Variants in MROH1 observed in about 807,000 individuals in gnomAD.
The protein encoded by MROH1 is maestro heat-like repeat-containing protein family member 1.
A neutral mutation model predicts 116.5 loss-of-function variants in MROH1; 117 were observed. The observed-to-expected ratio is 1.00, with a 90% CI of 0.86 to 1.17. MROH1 has a LOEUF of 1.17. MROH1 is among the 50% of genes most tolerant of loss of function. The pLI is 0.00. For missense variants in MROH1, 1,873 were observed against 1,338.5 expected, an observed-to-expected ratio of 1.40 and a Z score of -6.23; for synonymous variants, 921 against 583.9, an observed-to-expected ratio of 1.58 and a Z score of -8.32.
At position 144,224,301 on chromosome 8, in the gene MROH1, G is replaced by A. The variant is rs1352440681; in HGVS notation, c.1338+1071G>A. ...ATTATTATTTTTGAGACAGGGTCTC[G>A]CTCTGCCAGCCAGACTGGAGTGCAT... On this transcript the variant is annotated intron_variant, in intron 14 of 43. Coordinates refer to ENST00000326134, the MANE Select transcript of MROH1 (RefSeq NM_032450.3). Among the ~76,000 whole-genome samples the A allele has an allele frequency of 2.6e-5, 4 of 151,986 alleles. No homozygotes were observed. In the East Asian group the frequency reaches 5.8e-4, roughly 22 times the overall value.
chr8:144,217,486 T>G (rs1835525810), intron 12 of MROH1, among the ~76,000 whole-genome samples: 1 of 152,230 alleles, frequency 6.6e-6, no homozygotes, highest in East Asian at 1.9e-4. Context: ...TCATTTCAGA[T>G]AAGGGAATGC....
chr8:144,155,430 T>C (rs1817796585), intron 1 of MROH1, among the ~76,000 whole-genome samples: 2 of 152,214 alleles, frequency 1.3e-5, no homozygotes, highest in South Asian at 4.1e-4. Flanking sequence ...TATGCATTCA[T>C]GACATATTTC....
chr8:144,255,781 G>A (rs917026603), intron 35 of MROH1, 76 bp downstream of exon 35: 4 of 685,648 alleles, frequency 5.8e-6, no homozygotes, highest in Non-Finnish European at 1.1e-5. Context: ...CGTGGTGGGG[G>A]CGGACGGCAG....
Position 144,220,639 on chromosome 8 carries a change from C to T in MROH1, c.1181C>T (p.Ser394Phe), listed in dbSNP as rs760483406. ...MEDKKPFILS[S>F]MRLPLLDTNS... ...GATAAAAAGCCCTTTATCCTGTCTT[C>T]CATGAGGCTTCCTCTCCTGGACACC... The change falls in exon 13 of 44, where the codon TCC becomes TTC. Residue 394 changes from serine (S) to phenylalanine (F), a missense_variant. Ser to Phe is a radical substitution (Grantham distance 155). Transcript: ENST00000326134. 3 of 1,579,588 alleles carry T rather than the reference C, an allele frequency of 1.9e-6. No homozygotes were observed. The highest frequency in any genetic ancestry group is 1.7e-4 in the Middle Eastern group (1 of 6,028).
chr8:144,195,476 T>G (rs1271551708), intron 10 of MROH1, among the ~76,000 whole-genome samples: 5 of 112,530 alleles, frequency 4.4e-5, no homozygotes, highest in African/African-American at 1.4e-4. Flanking sequence ...CACTCCAGCC[T>G]GGGCAACAGA....
At chr8:144,250,520 C>T in intron 33 of MROH1, 154 bp downstream of exon 33, 1 of 693,444 alleles carries the variant, frequency 1.4e-6, no homozygotes, top group South Asian at 1.5e-5. Context: ...GACATGGAGC[C>T]AGGCCCCAGT....
chr8:144,244,671 T>C, intron 28 of MROH1, 132 bp downstream of exon 28: 1 of 676,568 alleles, frequency 1.5e-6, no homozygotes, highest in South Asian at 1.6e-5. Context: ...GGGTGGTTTA[T>C]GAACAGGCAG....
chr8:144,155,634 TTTTC>T (rs1428817158), intron 1 of MROH1, among the ~76,000 whole-genome samples: 1 of 151,112 alleles, frequency 6.6e-6, no homozygotes, highest in Non-Finnish European at 1.5e-5. Flanking sequence ...TCTTAGGTGT[TTTTC>T]TTTTTTTTTT....
intron 12 of MROH1, among the ~76,000 whole-genome samples, chr8:144,218,274 C>A (rs1324748292): frequency 4.1e-4 from 62 of 152,088 alleles, no homozygotes; most frequent in Non-Finnish European, 1.5e-5. Context: ...GTATCCTCTG[C>A]CTTTTAGATG....
At position 144,250,224 on chromosome 8, in the gene MROH1, G is replaced by A. The variant is rs1450108253; in HGVS notation, c.3286G>A (p.Val1096Met). ...CGCCCATCTACAGGTGCCCGAGATCGTGAGCGTCCTGCGCTCCAAGCTTCA... is the reference window on the plus strand; with the variant it reads ...CGCCCATCTACAGGTGCCCGAGATCATGAGCGTCCTGCGCTCCAAGCTTCA... ...GVLQEKVPEIVSVLRSKLQEA... is the reference protein window; with the variant it reads ...GVLQEKVPEIMSVLRSKLQEA... The change falls in exon 33 of 44, where the codon GTG becomes ATG. Residue 1096 changes from valine (V) to methionine (M), a missense_variant. Physicochemically the swap from Val to Met is conservative, Grantham distance 21. Transcript: ENST00000326134. The A allele has an allele frequency of 1.6e-5, 12 of 767,182 alleles. No individual in the cohort carries two copies. Among genetic ancestry groups the A allele is most frequent in the Non-Finnish European group, 2.6e-5 (11 of 416,906 alleles). 47.5% of individuals were successfully genotyped at this position (767,182 alleles called of 1,614,324 possible).
chr8:144,258,917 G>A lies in MROH1; in HGVS notation c.3929+3G>A, dbSNP rs1844436639. The A allele has an allele frequency of 2.7e-6, 2 of 742,170 alleles. No homozygotes were observed. The highest frequency in any genetic ancestry group is 1.8e-5 in the Admixed American group (1 of 54,302). The allele number at this position is 742,170 out of a possible 1,614,324, so 46.0% of individuals were successfully genotyped here. The stretch of plus-strand genomic sequence containing the variant: ...GAGGGGGCCACCAGGTTGGCCAGGT[G>A]AGCGGGCCCAGCCCACTGCAGCTCC... On this transcript the variant is annotated splice_donor_region_variant and intron_variant, in intron 36 of 43. Coordinates refer to ENST00000326134, the MANE Select transcript of MROH1 (RefSeq NM_032450.3).
At chr8:144,171,996 A>G (rs747962891) in intron 4 of MROH1, among the ~76,000 whole-genome samples, 33 of 152,380 alleles carry the variant, frequency 2.2e-4, no homozygotes, top group Non-Finnish European at 4.0e-4. Context: ...AGGTTAAAAC[A>G]GAGATCGTAA....
At chr8:144,173,422 TA>T (rs1284250986) in intron 4 of MROH1, among the ~76,000 whole-genome samples, 2 of 9,180 alleles carry the variant, frequency 2.2e-4, no homozygotes, top group African/African-American at 2.7e-4. Flanking sequence ...ATTTTATTTT[TA>T]TTTTATTTTT....
chr8:144,229,115 T>C (rs1315037649), intron 14 of MROH1, among the ~76,000 whole-genome samples: 7 of 152,222 alleles, frequency 4.6e-5, no homozygotes, highest in South Asian at 2.1e-4. Context: ...CCATTTCCAA[T>C]TCTAATTCTC....
intron 4 of MROH1, chr8:144,175,034 T>C (rs1331578024): frequency 3.0e-6 from 3 of 985,282 alleles, no homozygotes; most frequent in Non-Finnish European, 3.6e-6. Flanking sequence ...AACTTCCTCA[T>C]ATACATGAAG....
Position 144,239,080 on chromosome 8 carries a change from A to ACTGGGGCC in MROH1, c.1496_1503dup (p.Thr502GlyfsTer3), listed in dbSNP as rs1840523023. On this transcript the variant is annotated frameshift_variant, in exon 16 of 44. Transcript: ENST00000326134. LOFTEE classifies it high-confidence loss of function. ...CCAGTTCCTCACCCCTGTGCGCTTC[A>ACTGGGGCC]CTGGGGCCCTGACTCCGCTCTGCAG... is the stretch of plus-strand genomic sequence containing the variant. 1 of 777,604 alleles carries ACTGGGGCC rather than the reference A, an allele frequency of 1.3e-6. No individual in the cohort carries two copies. The highest frequency in any genetic ancestry group is 1.7e-5 in the Admixed American group (1 of 59,038). 48.2% of individuals were successfully genotyped at this position (777,604 alleles called of 1,614,324 possible).
At chr8:144,250,689 A>G (rs1402643188) in intron 33 of MROH1, 12 of 447,478 alleles carry the variant, frequency 2.7e-5, no homozygotes, top group South Asian at 2.5e-4. Context: ...AGGCTCCAGC[A>G]CACACTGGAG....
intron 12 of MROH1, among the ~76,000 whole-genome samples, chr8:144,211,022 C>T (rs1833985319): frequency 2.0e-5 from 3 of 152,142 alleles, no homozygotes; most frequent in Non-Finnish European, 4.4e-5. Flanking sequence ...GCTACAGGTT[C>T]CCCTCCGTTC....
At chr8:144,236,530 C>T (rs934813720) in intron 14 of MROH1, among the ~76,000 whole-genome samples, 9 of 151,982 alleles carry the variant, frequency 5.9e-5, no homozygotes, top group African/African-American at 9.7e-5. Context: ...CACTTGAAGT[C>T]GGGAGTTCAA....
Sources: allele counts gnomAD v4.1 joint callset (sites outside exome capture counted in the v4.1 genomes callset), GRCh38; gene constraint gnomAD v4.1.1; transcripts MANE v1.5; gene names NCBI Gene and HGNC (gene_info 2026-07-23, HGNC 2026-07-21).